Variants in AOPEP observed in about 807,000 individuals in gnomAD.
The protein encoded by AOPEP is aminopeptidase O (putative).
Under a neutral mutation model 98.1 loss-of-function variants are expected in AOPEP, and 77 were observed. The observed-to-expected ratio is 0.78, with a 90% CI of 0.65 to 0.95. AOPEP has a LOEUF of 0.95. AOPEP is among the 40% of genes least tolerant of loss of function. The pLI is 0.00. For missense variants in AOPEP, 1,024 were observed against 1,024.7 expected (o/e 1.00, Z 0.01); for synonymous variants, 346 against 365.3 (o/e 0.95, Z 0.60).
chr9:95,020,575 T>G (rs1382724892), intron 13 of AOPEP, among the ~76,000 whole-genome samples: 1 of 151,760 alleles, frequency 6.6e-6, no homozygotes, highest in East Asian at 1.9e-4. Context: ...ATTTTTGTGA[T>G]GCTTGTTATA....
chr9:94,865,189 T>G (rs2045573799), intron 5 of AOPEP, among the ~76,000 whole-genome samples: 1 of 152,212 alleles, frequency 6.6e-6, no homozygotes, highest in South Asian at 2.1e-4. Context: ...ATTTTACATG[T>G]AGAAACGTTA....
the AOPEP span, among the ~76,000 whole-genome samples, chr9:95,139,213 A>G: frequency 6.6e-6 from 1 of 152,178 alleles, no homozygotes. Flanking sequence ...CATCTAATTA[A>G]CAGTAAAGGA....
At chr9:95,069,536 A>C (rs928380869) in intron 14 of AOPEP, among the ~76,000 whole-genome samples, 1 of 150,750 alleles carries the variant, frequency 6.6e-6, no homozygotes, top group Non-Finnish European at 1.5e-5. Flanking sequence ...ATGGGCTCCC[A>C]CGTTGTACTT....
In AOPEP at chr9:94,972,420, G is replaced by A. The variant is rs939294210; in HGVS notation, c.1916+4619G>A. Among the ~76,000 whole-genome samples the A allele has an allele frequency of 2.0e-5, 3 of 152,296 alleles. No individual in the cohort carries two copies. The highest frequency in any genetic ancestry group is 4.8e-5 in the African/African-American group (2 of 41,564). On this transcript the variant is annotated intron_variant, in intron 10 of 16. Coordinates refer to ENST00000375315, the MANE Select transcript of AOPEP (RefSeq NM_001193329.3). This position sits in a 1 kb window ranked among gnomAD's most constrained non-coding sequence, Gnocchi z 4.2. The stretch of plus-strand genomic sequence containing the variant: ...CAGTCTCTCCTGGTGAAAGAGCCCC[G>A]TGGAACGCCTTATGCCAGTGTCCTT...
intron 3 of AOPEP, among the ~76,000 whole-genome samples, chr9:94,780,884 C>T (rs905167406): frequency 1.3e-5 from 2 of 152,188 alleles, no homozygotes; most frequent in Non-Finnish European, 2.9e-5. Flanking sequence ...GCTGATTTTT[C>T]CACAGAAGCA....
At chr9:94,733,468 T>C (rs1032680010) in intron 1 of AOPEP, among the ~76,000 whole-genome samples, 2 of 152,218 alleles carry the variant, frequency 1.3e-5, no homozygotes, top group African/African-American at 2.4e-5. Flanking sequence ...CAAATTGTAA[T>C]GTTATGTAGT....
intron 15 of AOPEP, 113 bp from the exon 16 acceptor site, chr9:95,082,462 G>C: frequency 8.1e-7 from 1 of 1,237,164 alleles, no homozygotes; most frequent in Non-Finnish European, 1.1e-6. Flanking sequence ...TGGGGTCTTT[G>C]CAATTTCTAG....
chr9:95,034,973 T>C (rs929554655), intron 13 of AOPEP, among the ~76,000 whole-genome samples: 1 of 31,430 alleles, frequency 3.2e-5, no homozygotes, highest in African/African-American at 5.5e-5. Flanking sequence ...TTTCTTTTTC[T>C]TTTTTCTTTT....
chr9:94,842,821 T>G (rs913345583), intron 5 of AOPEP, among the ~76,000 whole-genome samples: 1 of 152,200 alleles, frequency 6.6e-6, no homozygotes, highest in Non-Finnish European at 1.5e-5. Flanking sequence ...AAAAACATTA[T>G]GTTTTTTCCT....
At chr9:94,877,439 T>C (rs1397021479) in intron 5 of AOPEP, among the ~76,000 whole-genome samples, 2 of 151,678 alleles carry the variant, frequency 1.3e-5, no homozygotes, top group Middle Eastern at 3.2e-3. Flanking sequence ...TTTTTTTTTT[T>C]TTTGAGACAG....
In AOPEP at chr9:94,760,438, C is replaced by G. The variant is rs749803059; in HGVS notation, c.655C>G (p.Leu219Val). 1.2e-6 allele frequency: 2 copies of G among 1,613,850 alleles called. No homozygotes were observed. Among genetic ancestry groups the G allele is most frequent in the Non-Finnish European group, 1.7e-6 (2 of 1,179,876 alleles). Residue 219 changes from leucine to valine, a missense_variant, in exon 2 of 17, where the codon CTC becomes GTC. Leu to Val is a conservative substitution (Grantham distance 32, BLOSUM62 1). This residue lies in a region of AOPEP where 440 missense variants were observed against 433.8 expected (regional missense o/e 1.01). Transcript: ENST00000375315. ...CCAGGCTCCTGGCTGTGGGGAACTC[C>G]TCTTTGACACTGACACTTGGAGCTT... ...CSQAPGCGEL[L>V]FDTDTWSLQI...
At chr9:94,989,693 C>T (rs2060768260) in intron 11 of AOPEP, among the ~76,000 whole-genome samples, 1 of 150,508 alleles carries the variant, frequency 6.6e-6, no homozygotes, top group South Asian at 2.1e-4. Flanking sequence ...CTCACTGCAA[C>T]CTCCACCTCC....
chr9:95,097,828 G>A, the AOPEP span, among the ~76,000 whole-genome samples: 1 of 152,160 alleles, frequency 6.6e-6, no homozygotes, highest in Admixed American at 6.5e-5. Context: ...TGGATTTTAG[G>A]AGGAGGCTTG....
At chr9:95,102,988 G>A in the AOPEP span, among the ~76,000 whole-genome samples, 7 of 152,218 alleles carry the variant, frequency 4.6e-5, no homozygotes, top group Non-Finnish European at 5.9e-5. Flanking sequence ...GTCCCTGGGC[G>A]TCTGTATTGC....
chr9:94,896,590 A>G (rs534907669), intron 5 of AOPEP, among the ~76,000 whole-genome samples: 18 of 152,320 alleles, frequency 1.2e-4, no homozygotes, highest in Admixed American at 3.9e-4. Flanking sequence ...ATGAGAACGC[A>G]CTTTATATCT....
At chr9:95,007,391 G>C (rs924661588) in intron 13 of AOPEP, among the ~76,000 whole-genome samples, 6 of 148,866 alleles carry the variant, frequency 4.0e-5, no homozygotes, top group African/African-American at 1.0e-4. Flanking sequence ...GAGAAAGTGG[G>C]GGGGGGACTG....
the AOPEP span, among the ~76,000 whole-genome samples, chr9:95,126,003 C>T: frequency 1.1e-3 from 175 of 152,314 alleles, no homozygotes; most frequent in Middle Eastern, 3.4e-3. Context: ...TCGTCTCTTG[C>T]CGTCTGTAAA....
At chr9:95,086,212 G>A (rs112686896) in intron 16 of AOPEP, 54 of 1,283,774 alleles carry the variant, frequency 4.2e-5, no homozygotes, top group Non-Finnish European at 5.4e-5. Flanking sequence ...GCGGCAGCAC[G>A]GTGCCAGTCA....
At chr9:95,114,704 G>A in the AOPEP span, 2 of 1,613,992 alleles carry the variant, frequency 1.2e-6, no homozygotes, top group East Asian at 2.2e-5. Flanking sequence ...GTGTCCCCGA[G>A]GGATATCTGC....
Sources: allele counts gnomAD v4.1 joint callset (sites outside exome capture counted in the v4.1 genomes callset), GRCh38; gene constraint gnomAD v4.1.1; regional missense constraint gnomAD v4.1.1; non-coding constraint Gnocchi (gnomAD v3.1); transcripts MANE v1.5; gene names NCBI Gene and HGNC (gene_info 2026-07-23, HGNC 2026-07-21).